TMPPE: variants seen among roughly 807,000 people sequenced by gnomAD.
The protein encoded by TMPPE is transmembrane protein with metallophosphoesterase domain.
A neutral mutation model predicts 22.6 loss-of-function variants in TMPPE; 16 were observed. That is an observed-to-expected ratio of 0.71 (90% CI 0.48 to 1.08). The LOEUF (loss-of-function observed/expected upper bound fraction) is 1.08. Among genes scored for constraint, TMPPE ranks in the 50% least tolerant of loss-of-function variants. TMPPE has a pLI of 0.00. For missense variants in TMPPE, 526 were observed against 584.3 expected (o/e 0.90, Z 1.03); for synonymous variants, 240 against 245.3 (o/e 0.98, Z 0.20).
At position 33,093,436 on chromosome 3, in the gene TMPPE, C is replaced by T. The variant is rs1413319478; in HGVS notation, c.760G>A (p.Val254Ile). Reference sequence around the variant, plus strand: ...AGAGGAGCGACAGCCGTCCGCAGGACCGAGGCTTCTGAGTCGGAGAGGTCA... The same window carrying T: ...AGAGGAGCGACAGCCGTCCGCAGGATCGAGGCTTCTGAGTCGGAGAGGTCA... ...VGDLSDSEAS[V>I]LRTAVAPLGQ... Residue 254 changes from valine to isoleucine, a missense_variant, in exon 2 of 2, where the codon GTC becomes ATC. Coordinates refer to ENST00000342462, the MANE Select transcript of TMPPE (RefSeq NM_001039770.3). This position sits in a 1 kb window ranked among gnomAD's most constrained non-coding sequence, Gnocchi z 6.0. The T allele has an allele frequency of 2.2e-5, 36 of 1,613,992 alleles. No homozygotes were observed. Among genetic ancestry groups the T allele is most frequent in the Non-Finnish European group, 2.6e-5 (31 of 1,180,030 alleles).
chr3:33,091,878 G>C lies in TMPPE; in HGVS notation c.*956C>G, dbSNP rs1206083686. On this transcript the variant is annotated 3_prime_UTR_variant, in exon 2 of 2. Coordinates refer to ENST00000342462, the MANE Select transcript of TMPPE (RefSeq NM_001039770.3). ...ACACGGGTGCTTATCTCCATCTCAG[G>C]ATCAAAGGATCTATTGCTTCTGGCA... 1.0e-6 allele frequency: 1 copy of C among 985,374 alleles called. No homozygotes were observed. The highest frequency in any genetic ancestry group is 1.7e-5 in the African/African-American group (1 of 57,328). 61.0% of individuals were successfully genotyped at this position (985,374 alleles called of 1,614,324 possible).
At chr3:33,095,521 A>C (rs75219872) in intron 1 of TMPPE, among the ~76,000 whole-genome samples, 1 of 152,316 alleles carries the variant, frequency 6.6e-6, no homozygotes, top group African/African-American at 2.4e-5. Context: ...TGGGCACAGA[A>C]GCCCAAGAGG....
chr3:33,094,370 A>C, intron 1 of TMPPE, 67 bp from the exon 2 acceptor site: 1 of 1,373,052 alleles, frequency 7.3e-7, no homozygotes, highest in Non-Finnish European at 9.4e-7. Flanking sequence ...TCAAAACTCA[A>C]AGGCCACTTA....
rs145702176 is a variant in TMPPE, at chr3:33,093,440, G to A, written c.756C>T (p.Ala252=). 228 of 1,614,014 alleles carry A rather than the reference G, an allele frequency of 1.4e-4. 1 individual carries two copies. In the Middle Eastern group the frequency reaches 1.8e-3, roughly 13 times the overall value. The part of the protein sequence containing the change: ...VIVGDLSDSE[A]SVLRTAVAPL... ...GAGCGACAGCCGTCCGCAGGACCGA[G>A]GCTTCTGAGTCGGAGAGGTCACCCA... Residue 252 remains alanine, a synonymous_variant, in exon 2 of 2, where the codon GCC becomes GCT. Transcript: ENST00000342462. The surrounding 1 kb of genome is among the most constrained non-coding windows in gnomAD (Gnocchi z 6.0).
intron 1 of TMPPE, 179 bp downstream of exon 1, chr3:33,096,540 T>A (rs991929245): frequency 2.0e-6 from 2 of 984,592 alleles, no homozygotes; most frequent in African/African-American, 3.5e-5. Flanking sequence ...AGAGGGGAAA[T>A]AACCCAATGT....
At position 33,096,983 on chromosome 3, in the gene TMPPE, TC is replaced by T. The variant is rs763551609; in HGVS notation, c.-374del. The T allele has an allele frequency of 6.2e-7, 1 of 1,609,078 alleles. No homozygotes were observed. Among genetic ancestry groups the T allele is most frequent in the East Asian group, 2.2e-5 (1 of 44,508 alleles). On this transcript the variant is annotated 5_prime_UTR_variant, in exon 1 of 2. It removes the in-frame stop codon of an upstream open reading frame in the 5' UTR. Coordinates refer to ENST00000342462, the MANE Select transcript of TMPPE (RefSeq NM_001039770.3). ...CGCCAGCCTGTCCCCTAGCAATGCC[TC>T]CCCGTACCCGGGTCCCGCAGACTTA...
Position 33,096,995 on chromosome 3 carries a change from G to C in TMPPE, c.-385C>G, listed in dbSNP as rs1395017097. The C allele has an allele frequency of 6.2e-7, 1 of 1,610,594 alleles. No homozygotes were observed. The highest frequency in any genetic ancestry group is 8.5e-7 in the Non-Finnish European group (1 of 1,178,340). ...CCCTAGCAATGCCTCCCCGTACCCG[G>C]GTCCCGCAGACTTACGCGCAAGCCG... On this transcript the variant is annotated 5_prime_UTR_variant, in exon 1 of 2. Transcript: ENST00000342462.
In TMPPE at chr3:33,091,019, G is replaced by GT. The variant is rs1239659585; in HGVS notation, c.*1814dup. The stretch of plus-strand genomic sequence containing the variant: ...AATCAAGAAACCAGTGAAATAACAC[G>GT]TAACAGGTGAGTCAAACATTACCAG... On this transcript the variant is annotated 3_prime_UTR_variant, in exon 2 of 2. Coordinates refer to ENST00000342462, the MANE Select transcript of TMPPE (RefSeq NM_001039770.3). 3 of 985,228 alleles carry GT rather than the reference G, an allele frequency of 3.0e-6. No individual in the cohort carries two copies. Among genetic ancestry groups the GT allele is most frequent in the Admixed American group, 6.2e-5 (1 of 16,258 alleles). The allele number at this position is 985,228 out of a possible 1,614,324, so 61.0% of individuals were successfully genotyped here. A position where few individuals can be genotyped will look rare whatever the true frequency, so the allele number is the denominator to read the frequency against.
chr3:33,095,854 G>A (rs1371168949), intron 1 of TMPPE, among the ~76,000 whole-genome samples: 2 of 152,118 alleles, frequency 1.3e-5, no homozygotes, highest in Middle Eastern at 3.2e-3. Context: ...AAGGTCCTAC[G>A]GGCCTTCTGG....
At position 33,092,614 on chromosome 3, in the gene TMPPE, A is replaced by C. The variant is rs1014357778; in HGVS notation, c.*220T>G. ...TATATGTGACCTTAGTGATCTCACA[A>C]GTGCATCAAAAAAAGCAACTGGCCA... is the stretch of plus-strand genomic sequence containing the variant. On this transcript the variant is annotated 3_prime_UTR_variant, in exon 2 of 2. Transcript: ENST00000342462. 1.8e-5 allele frequency: 24 copies of C among 1,360,254 alleles called. No individual in the cohort carries two copies. The highest frequency in any genetic ancestry group is 4.7e-6 in the Non-Finnish European group (5 of 1,057,342). 84.3% of individuals were successfully genotyped at this position (1,360,254 alleles called of 1,614,324 possible). A position where few individuals can be genotyped will look rare whatever the true frequency, so the allele number is the denominator to read the frequency against.
At position 33,093,191 on chromosome 3, in the gene TMPPE, G is replaced by A. The variant is rs112555655; in HGVS notation, c.1005C>T (p.Asp335=). The A allele has an allele frequency of 1.0e-4, 161 of 1,613,916 alleles. No individual in the cohort carries two copies. In the African/African-American group the frequency reaches 1.4e-3, roughly 14 times the overall value. Reference sequence around the variant, plus strand: ...AGTGCAGGATGTCTGCTTCAATATCGTCCACCCCAGCCAAGCAGATCCAGT... The same window carrying A: ...AGTGCAGGATGTCTGCTTCAATATCATCCACCCCAGCCAAGCAGATCCAGT... The part of the protein sequence containing the change: ...DEDWICLAGV[D]DIEADILHYS... The change falls in exon 2 of 2, where the codon GAC becomes GAT. Residue 335 remains aspartate (D), a synonymous_variant. Coordinates refer to ENST00000342462, the MANE Select transcript of TMPPE (RefSeq NM_001039770.3). This position sits in a 1 kb window ranked among gnomAD's most constrained non-coding sequence, Gnocchi z 6.0.
At chr3:33,094,361 C>T in intron 1 of TMPPE, 58 bp from the exon 2 acceptor site, 2 of 1,383,240 alleles carry the variant, frequency 1.4e-6, no homozygotes, top group Non-Finnish European at 1.9e-6. Flanking sequence ...TGTACCCATT[C>T]AAAACTCAAA....
In TMPPE at chr3:33,091,107, A is replaced by T. The variant is rs1700740166; in HGVS notation, c.*1727T>A. On this transcript the variant is annotated 3_prime_UTR_variant, in exon 2 of 2. Transcript: ENST00000342462. ...CCCACCTGGTGAAATCCAAAGCGAG[A>T]ACTTAAAGGGAGTAAGGATGATTCA... 3 of 985,452 alleles carry T rather than the reference A, an allele frequency of 3.0e-6. No homozygotes were observed. The highest frequency in any genetic ancestry group is 3.6e-6 in the Non-Finnish European group (3 of 829,946). 61.0% of individuals were successfully genotyped at this position (985,452 alleles called of 1,614,324 possible). A position where few individuals can be genotyped will look rare whatever the true frequency, so the allele number is the denominator to read the frequency against.
At position 33,092,213 on chromosome 3, in the gene TMPPE, T is replaced by C; in HGVS notation, c.*621A>G. 1 of 985,690 alleles carries C rather than the reference T, an allele frequency of 1.0e-6. No individual in the cohort carries two copies. The highest frequency in any genetic ancestry group is 1.2e-6 in the Non-Finnish European group (1 of 830,188). 61.1% of individuals were successfully genotyped at this position (985,690 alleles called of 1,614,324 possible). Reference sequence around the variant, plus strand: ...AGCACAGACAGTTAAATAGCATCCCTCAAGGCCTGGAACAGGAGGAGCTTT... The same window carrying C: ...AGCACAGACAGTTAAATAGCATCCCCCAAGGCCTGGAACAGGAGGAGCTTT... On this transcript the variant is annotated 3_prime_UTR_variant, in exon 2 of 2. Coordinates refer to ENST00000342462, the MANE Select transcript of TMPPE (RefSeq NM_001039770.3).
Position 33,092,677 on chromosome 3 carries a change from C to T in TMPPE, c.*157G>A. Reference sequence around the variant, plus strand: ...AACCAGCCTGAACATGCCAGGCAGGCCCACCATAAGTCACTGTTTGAGTCA... The same window carrying T: ...AACCAGCCTGAACATGCCAGGCAGGTCCACCATAAGTCACTGTTTGAGTCA... On this transcript the variant is annotated 3_prime_UTR_variant, in exon 2 of 2. Transcript: ENST00000342462. The T allele has an allele frequency of 7.1e-7, 1 of 1,410,554 alleles. No individual in the cohort carries two copies. Among genetic ancestry groups the T allele is most frequent in the African/African-American group, 1.4e-5 (1 of 69,972 alleles). 87.4% of individuals were successfully genotyped at this position (1,410,554 alleles called of 1,614,324 possible).
At position 33,090,689 on chromosome 3, in the gene TMPPE, G is replaced by A; in HGVS notation, c.*2145C>T. 1.0e-6 allele frequency: 1 copy of A among 985,456 alleles called. No homozygotes were observed. The highest frequency in any genetic ancestry group is 1.2e-6 in the Non-Finnish European group (1 of 829,934). 61.0% of individuals were successfully genotyped at this position (985,456 alleles called of 1,614,324 possible). On this transcript the variant is annotated 3_prime_UTR_variant, in exon 2 of 2. Coordinates refer to ENST00000342462, the MANE Select transcript of TMPPE (RefSeq NM_001039770.3). ...GTGTCATGGAGACCTGCCCACCAGG[G>A]CCAGAATCTGGACAGTGATGGAGAA...
Position 33,091,474 on chromosome 3 carries a change from T to C in TMPPE, c.*1360A>G. On this transcript the variant is annotated 3_prime_UTR_variant, in exon 2 of 2. Coordinates refer to ENST00000342462, the MANE Select transcript of TMPPE (RefSeq NM_001039770.3). ...CCCACTCACATTCCCCAGGACTGGC[T>C]GCTCCATGAATCCTCTGGGCACCTG... 1 of 985,538 alleles carries C rather than the reference T, an allele frequency of 1.0e-6. No homozygotes were observed. The highest frequency in any genetic ancestry group is 4.7e-5 in the South Asian group (1 of 21,294). 61.0% of individuals were successfully genotyped at this position (985,538 alleles called of 1,614,324 possible).
chr3:33,091,494 CA>C lies in TMPPE; in HGVS notation c.*1339del. 1.0e-6 allele frequency: 1 copy of C among 985,504 alleles called. No homozygotes were observed. Among genetic ancestry groups the C allele is most frequent in the Non-Finnish European group, 1.2e-6 (1 of 829,968 alleles). 61.0% of individuals were successfully genotyped at this position (985,504 alleles called of 1,614,324 possible). A position where few individuals can be genotyped will look rare whatever the true frequency, so the allele number is the denominator to read the frequency against. On this transcript the variant is annotated 3_prime_UTR_variant, in exon 2 of 2. Transcript: ENST00000342462. ...CTGGCTGCTCCATGAATCCTCTGGGCACCTGTGCCCAACAGAGTTCCTTAGC... is the reference window on the plus strand; with the variant it reads ...CTGGCTGCTCCATGAATCCTCTGGGCCCTGTGCCCAACAGAGTTCCTTAGC...
At chr3:33,095,430 G>A (rs1575504588) in intron 1 of TMPPE, among the ~76,000 whole-genome samples, 1 of 152,260 alleles carries the variant, frequency 6.6e-6, no homozygotes, top group African/African-American at 2.4e-5. Context: ...GGAGGCTGAG[G>A]CAGGAGAATG....
Sources: gnomAD v4.1 joint callset for allele counts (sites outside exome capture counted in the v4.1 genomes callset) on GRCh38, gnomAD v4.1.1 for gene constraint, Gnocchi (gnomAD v3.1) non-coding constraint, MANE v1.5 for transcripts, NCBI Gene and HGNC (gene_info 2026-07-23, HGNC 2026-07-21) for gene names.